The following KLHL3 variants were observed in gnomAD, a reference collection of about 807,000 sequenced individuals.
KLHL3 encodes kelch-like protein 3.
Under a neutral mutation model 70.5 loss-of-function variants are expected in KLHL3, and 19 were observed. That is an observed-to-expected ratio of 0.27 (90% confidence interval 0.19 to 0.40). KLHL3 has a LOEUF of 0.40. Among genes scored for constraint, KLHL3 ranks in the 10% least tolerant of loss-of-function variants. The probability of loss-of-function intolerance (pLI) is 1.00; values close to 1 mark genes in which losing one functional copy is unlikely to be tolerated. For missense variants in KLHL3, 512 were observed against 771.1 expected (o/e 0.66, Z 3.98); for synonymous variants, 258 against 290.3 (o/e 0.89, Z 1.13).
intron 11 of KLHL3, among the ~76,000 whole-genome samples, chr5:137,636,473 G>A (rs73790009): frequency 0.023 from 3,525 of 152,228 alleles, 130 homozygotes; most frequent in African/African-American, 0.08. Flanking sequence ...TCTATGCTTT[G>A]GTACATTGAA....
chr5:137,628,197 G>A, intron 13 of KLHL3, 100 bp downstream of exon 13: 1 of 1,446,030 alleles, frequency 6.9e-7, no homozygotes, highest in East Asian at 2.3e-5. Context: ...TATACGCTCA[G>A]CTCCAGACCC....
chr5:137,686,943 C>T (rs1291184192), intron 5 of KLHL3, among the ~76,000 whole-genome samples: 62 of 8,410 alleles, frequency 7.4e-3, no homozygotes, highest in African/African-American at 0.012. Flanking sequence ...CCCCTCTGCC[C>T]GGCCAGCCGC....
At chr5:137,716,834 G>C (rs1752902593) in intron 2 of KLHL3, among the ~76,000 whole-genome samples, 1 of 152,132 alleles carries the variant, frequency 6.6e-6, no homozygotes, top group South Asian at 2.1e-4. Flanking sequence ...GGGGTCTTTT[G>C]AAAGGGCTGG....
chr5:137,651,837 T>G (rs1462405949), intron 8 of KLHL3, among the ~76,000 whole-genome samples: 1 of 152,198 alleles, frequency 6.6e-6, no homozygotes, highest in African/African-American at 2.4e-5. Context: ...GGCAACATAG[T>G]ATTGGTGTAA....
chr5:137,734,353 C>G (rs1179435141), intron 1 of KLHL3, among the ~76,000 whole-genome samples: 1 of 151,916 alleles, frequency 6.6e-6, no homozygotes, highest in Non-Finnish European at 1.5e-5. Context: ...ACACTAAACT[C>G]CTGTTGCAAA....
intron 6 of KLHL3, among the ~76,000 whole-genome samples, chr5:137,664,818 T>TA (rs1206531497): frequency 6.6e-6 from 1 of 151,584 alleles, no homozygotes; most frequent in Non-Finnish European, 1.5e-5. Context: ...AGCCTATCTT[T>TA]AAAAAAATAA....
In KLHL3 at chr5:137,621,802, ACT is replaced by A. The variant is rs1377153140; in HGVS notation, c.*294_*295del. The A allele has an allele frequency of 4.6e-6, 2 of 438,566 alleles. No individual in the cohort carries two copies. The highest frequency in any genetic ancestry group is 8.2e-6 in the Non-Finnish European group (2 of 242,726). The allele number at this position is 438,566 out of a possible 1,614,324, so 27.2% of individuals were successfully genotyped here. On this transcript the variant is annotated 3_prime_UTR_variant, in exon 15 of 15. Coordinates refer to ENST00000309755, the MANE Select transcript of KLHL3 (RefSeq NM_017415.3). Reference sequence around the variant, plus strand: ...TACACACACACACACACACACACACACTCCAGGGTCTGTATTGTCCCTGTAGA... The same window carrying A: ...TACACACACACACACACACACACACACCAGGGTCTGTATTGTCCCTGTAGA...
intron 3 of KLHL3, among the ~76,000 whole-genome samples, chr5:137,702,290 T>C (rs542513035): frequency 2.7e-4 from 41 of 152,322 alleles, no homozygotes; most frequent in Middle Eastern, 3.4e-3. Flanking sequence ...ATAGAGTCCA[T>C]TGTTTTCATC....
chr5:137,665,650 C>T (rs974068303), intron 6 of KLHL3, among the ~76,000 whole-genome samples: 4 of 152,126 alleles, frequency 2.6e-5, no homozygotes, highest in African/African-American at 9.7e-5. Flanking sequence ...AAAAAAACTA[C>T]AACAAAATTT....
chr5:137,621,875 C>G lies in KLHL3; in HGVS notation c.*223G>C. 1 of 586,094 alleles carries G rather than the reference C, an allele frequency of 1.7e-6. No homozygotes were observed. The highest frequency in any genetic ancestry group is 3.1e-6 in the Non-Finnish European group (1 of 325,436). The allele number at this position is 586,094 out of a possible 1,614,324, so 36.3% of individuals were successfully genotyped here. ...AGGTGCTGCCTGGGGATGTCAAGACCCCCCTTGCTCAGGGCATAGGCCAGA... is the reference window on the plus strand; with the variant it reads ...AGGTGCTGCCTGGGGATGTCAAGACGCCCCTTGCTCAGGGCATAGGCCAGA... On this transcript the variant is annotated 3_prime_UTR_variant, in exon 15 of 15. Coordinates refer to ENST00000309755, the MANE Select transcript of KLHL3 (RefSeq NM_017415.3).
chr5:137,661,807 A>C, intron 7 of KLHL3, 108 bp downstream of exon 7: 1 of 688,124 alleles, frequency 1.5e-6, no homozygotes, highest in Non-Finnish European at 2.6e-6. Flanking sequence ...CAGCACATAC[A>C]GAAGACCCAC....
chr5:137,725,447 T>C (rs1753071275), intron 1 of KLHL3, among the ~76,000 whole-genome samples: 1 of 152,190 alleles, frequency 6.6e-6, no homozygotes, highest in Non-Finnish European at 1.5e-5. Flanking sequence ...TGTTAATTCA[T>C]ATGTGCCCCT....
intron 1 of KLHL3, among the ~76,000 whole-genome samples, chr5:137,721,949 C>T (rs1334271322): frequency 1.3e-5 from 2 of 152,226 alleles, no homozygotes; most frequent in Non-Finnish European, 2.9e-5. Context: ...TGAAACTATT[C>T]AGCTCCCAGG....
At chr5:137,663,266 A>G (rs1751531428) in intron 6 of KLHL3, among the ~76,000 whole-genome samples, 3 of 151,486 alleles carry the variant, frequency 2.0e-5, no homozygotes, top group South Asian at 4.2e-4. Flanking sequence ...CATATTGGCC[A>G]GGCTGGTCTC....
intron 2 of KLHL3, among the ~76,000 whole-genome samples, chr5:137,718,817 G>C (rs1256488663): frequency 6.6e-6 from 1 of 152,244 alleles, no homozygotes; most frequent in Non-Finnish European, 1.5e-5. Context: ...GAGCTTCCAG[G>C]AAATCTGGCA....
At chr5:137,673,663 G>GC (rs1751817408) in intron 6 of KLHL3, 1 of 152,164 alleles carries the variant, frequency 6.6e-6, no homozygotes, top group East Asian at 1.9e-4. Context: ...GCAAACTCCA[G>GC]CCCCAGTGTA....
At chr5:137,661,611 A>C (rs755587596) in intron 7 of KLHL3, 2 of 238,738 alleles carry the variant, frequency 8.4e-6, no homozygotes, top group Admixed American at 5.4e-5. Flanking sequence ...TAGTCCTCAC[A>C]ACAACCCTGC....
At chr5:137,650,821 T>TAA (rs202115631) in intron 8 of KLHL3, among the ~76,000 whole-genome samples, 3 of 118,340 alleles carry the variant, frequency 2.5e-5, no homozygotes, top group Non-Finnish European at 1.8e-5. Flanking sequence ...AAACTCCATC[T>TAA]AAAAAAAAAA....
intron 6 of KLHL3, 60 bp from the exon 7 acceptor site, chr5:137,662,091 T>C (rs200289481): frequency 2.4e-5 from 12 of 505,934 alleles, no homozygotes; most frequent in Middle Eastern, 4.0e-4. Context: ...CAAACAACCC[T>C]CAATCTGTAA....
Sources: gnomAD v4.1 joint callset for allele counts (sites outside exome capture counted in the v4.1 genomes callset) on GRCh38, gnomAD v4.1.1 for gene constraint, MANE v1.5 for transcripts, NCBI Gene and HGNC (gene_info 2026-07-23, HGNC 2026-07-21) for gene names.